SYTL2: variants seen among roughly 807,000 people sequenced by gnomAD.
SYTL2 encodes synaptotagmin-like protein 2.
Under a neutral mutation model 198.7 loss-of-function variants are expected in SYTL2, and 165 were observed. The observed-to-expected ratio is 0.83, with a 90% CI of 0.73 to 0.94. The LOEUF (loss-of-function observed/expected upper bound fraction) is 0.94. Among genes scored for constraint, SYTL2 ranks in the 40% least tolerant of loss-of-function variants. The pLI, the probability that SYTL2 is intolerant of heterozygous loss-of-function variation, is 0.00. For missense variants in SYTL2, 2,835 were observed against 2,582.8 expected, an observed-to-expected ratio of 1.10 and a Z score of -2.12; for synonymous variants, 966 against 917.7, an observed-to-expected ratio of 1.05 and a Z score of -0.95.
the SYTL2 span, among the ~76,000 whole-genome samples, chr11:85,821,171 T>C: frequency 6.6e-6 from 1 of 152,260 alleles, no homozygotes; most frequent in African/African-American, 2.4e-5. Context: ...ACATCTTTTT[T>C]TATAGCTTAA....
chr11:85,781,643 G>A (rs2092561549), intron 1 of SYTL2, among the ~76,000 whole-genome samples: 1 of 152,164 alleles, frequency 6.6e-6, no homozygotes. Flanking sequence ...ATACAATGAG[G>A]GTACAGGCAT....
intron 1 of SYTL2, among the ~76,000 whole-genome samples, chr11:85,760,802 T>A (rs2092075387): frequency 6.6e-6 from 1 of 152,066 alleles, no homozygotes; most frequent in South Asian, 2.1e-4. Flanking sequence ...AGGGTTAAAA[T>A]TTCTCCCTTA....
At chr11:85,813,055 A>G (rs1004106142), upstream of SYTL2, among the ~76,000 whole-genome samples, 4 of 151,854 alleles carry the variant, frequency 2.6e-5, no homozygotes, top group Admixed American at 1.3e-4. Context: ...TCCCAGTATC[A>G]CTCGTCCCCT....
chr11:85,780,467 G>C (rs1178802405), intron 1 of SYTL2, among the ~76,000 whole-genome samples: 1 of 152,142 alleles, frequency 6.6e-6, no homozygotes, highest in Non-Finnish European at 1.5e-5. Context: ...CCAGTCTCTG[G>C]GGAGAAGAGA....
At chr11:85,773,177 T>G (rs1397041510) in intron 1 of SYTL2, among the ~76,000 whole-genome samples, 1 of 152,212 alleles carries the variant, frequency 6.6e-6, no homozygotes, top group Non-Finnish European at 1.5e-5. Context: ...GGCTCAGTTC[T>G]GACCTCTAAG....
At position 85,725,118 on chromosome 11, in the gene SYTL2, G is replaced by T. The variant is rs369092268; in HGVS notation, c.4240C>A (p.Pro1414Thr). Residue 1414 changes from proline (P) to threonine (T), a missense_variant, in exon 8 of 20, where the codon CCA becomes ACA. Physicochemically the swap from Pro to Thr is conservative, Grantham distance 38 (BLOSUM62 -1). Around this residue, in one of 3 missense-constraint regions of SYTL2, gnomAD observed 2,645 missense variants for 2,381.7 expected, o/e 1.11. Coordinates refer to ENST00000359152, the MANE Select transcript of SYTL2 (RefSeq NM_206927.4). ...VQPVCSPLNP[P>T]GVISPWATMD... ...GTAGCCCATGGTGATATCACTCCTG[G>T]AGGATTTAGGGGGCTACATACTGGC... 2 of 1,614,012 alleles carry T rather than the reference G, an allele frequency of 1.2e-6. No individual in the cohort carries two copies. The highest frequency in any genetic ancestry group is 2.7e-5 in the African/African-American group (2 of 74,916).
At chr11:85,846,496 T>C in the SYTL2 span, among the ~76,000 whole-genome samples, 1 of 152,176 alleles carries the variant, frequency 6.6e-6, no homozygotes, top group East Asian at 1.9e-4. Flanking sequence ...TGGTGCAAAT[T>C]CAGCTCACTG....
At chr11:85,719,294 A>T in intron 9 of SYTL2, 1 of 1,163,442 alleles carries the variant, frequency 8.6e-7, no homozygotes, top group Non-Finnish European at 1.1e-6. Context: ...AACTGAAGAG[A>T]TGTAACTGGG....
intron 4 of SYTL2, among the ~76,000 whole-genome samples, chr11:85,742,961 G>A (rs2090909371): frequency 6.6e-6 from 1 of 152,212 alleles, no homozygotes; most frequent in Admixed American, 6.5e-5. Flanking sequence ...AAAGAATGCA[G>A]TCAGCTGCCA....
intron 4 of SYTL2, 105 bp downstream of exon 4, chr11:85,745,532 T>C: frequency 7.6e-7 from 1 of 1,318,588 alleles, no homozygotes; most frequent in Non-Finnish European, 1.0e-6. Flanking sequence ...CCCATGCCCA[T>C]GACCCCAGTC....
intron 3 of SYTL2, 59 bp downstream of exon 3, chr11:85,748,213 C>T: frequency 1.3e-6 from 2 of 1,563,858 alleles, no homozygotes; most frequent in Non-Finnish European, 8.8e-7. Flanking sequence ...ATTCCCTTCT[C>T]CCCGCTCCTC....
chr11:85,739,361 G>A (rs1330945903), intron 4 of SYTL2, among the ~76,000 whole-genome samples: 1 of 150,808 alleles, frequency 6.6e-6, no homozygotes, highest in Admixed American at 6.7e-5. Context: ...AAGAAAAAGA[G>A]AGGAAGAAAC....
chr11:85,822,503 C>G, the SYTL2 span, among the ~76,000 whole-genome samples: 1 of 151,482 alleles, frequency 6.6e-6, no homozygotes, highest in Admixed American at 6.5e-5. Flanking sequence ...AGATGAACCC[C>G]TGCAAACTCA....
In SYTL2 at chr11:85,720,913, A is replaced by G; in HGVS notation, c.5373T>C (p.Ser1791=). The stretch of plus-strand genomic sequence containing the variant: ...TTTTGGAAGGCATTTTCCTAGCGGC[A>G]CTCCTTTCCAAAGTTTTCAAAACAG... ...PSPVLKTLER[S]AARKMPSKSL... The change falls in exon 9 of 20, where the codon AGT becomes AGC. Residue 1791 remains serine, a synonymous_variant. Coordinates refer to ENST00000359152, the MANE Select transcript of SYTL2 (RefSeq NM_206927.4). 6.2e-7 allele frequency: 1 copy of G among 1,613,420 alleles called. No individual in the cohort carries two copies. The highest frequency in any genetic ancestry group is 8.5e-7 in the Non-Finnish European group (1 of 1,179,738).
chr11:85,743,840 T>A (rs1286950237), intron 4 of SYTL2, among the ~76,000 whole-genome samples: 1 of 152,044 alleles, frequency 6.6e-6, no homozygotes, highest in African/African-American at 2.4e-5. Flanking sequence ...ATGAGCTATT[T>A]GTCTCTGATG....
chr11:85,757,736 G>T lies in SYTL2; in HGVS notation c.-11C>A. On this transcript the variant is annotated 5_prime_UTR_variant, in exon 2 of 20. Coordinates refer to ENST00000359152, the MANE Select transcript of SYTL2 (RefSeq NM_206927.4). ...GCTTAAGTCAATCATTTTGAAAAGT[G>T]CATGCAAAAATAATAGCAACAAATG... 1 of 1,610,590 alleles carries T rather than the reference G, an allele frequency of 6.2e-7. No homozygotes were observed.
chr11:85,721,011 ATCCTC>A, intron 8 of SYTL2, 52 bp from the exon 9 acceptor site: 1 of 1,052,056 alleles, frequency 9.5e-7, no homozygotes, highest in Non-Finnish European at 1.4e-6. Context: ...AAAAAAAAAA[ATCCTC>A]TAACATATGG....
At chr11:85,797,035 T>A (rs1263660471) in intron 1 of SYTL2, among the ~76,000 whole-genome samples, 1 of 151,560 alleles carries the variant, frequency 6.6e-6, no homozygotes, top group Non-Finnish European at 1.5e-5. Context: ...TAAAAAAAAA[T>A]TTTAAATGAT....
At chr11:85,811,249 C>CCCCGCCCCGG (rs1390344523), upstream of SYTL2, 2 of 150,060 alleles carry the variant, frequency 1.3e-5, no homozygotes, top group South Asian at 2.1e-4. Flanking sequence ...TTCGCCCGCT[C>CCCCGCCCCGG]CCCGCCCCGG....
Sources: gnomAD v4.1 joint callset for allele counts (sites outside exome capture counted in the v4.1 genomes callset) on GRCh38, gnomAD v4.1.1 for gene constraint, gnomAD v4.1.1 regional missense constraint, MANE v1.5 for transcripts, NCBI Gene and HGNC (gene_info 2026-07-23, HGNC 2026-07-21) for gene names.